Variants in KLF17 observed in about 807,000 individuals in gnomAD.
KLF17 encodes KLF transcription factor 17, also known as Krueppel-like factor 17.
In KLF17, 31 loss-of-function variants were observed where a neutral mutation model predicts 34.2. The ratio of observed to expected loss-of-function variants is 0.91; its 90% CI spans 0.68 to 1.22. The LOEUF (loss-of-function observed/expected upper bound fraction) is 1.22. Ranked by LOEUF, KLF17 falls within the 50% of genes most tolerant of loss-of-function variation. The probability of loss-of-function intolerance (pLI) is 0.00; values close to 1 mark genes in which losing one functional copy is unlikely to be tolerated. For synonymous variants in KLF17, 179 were observed against 186.7 expected, an observed-to-expected ratio of 0.96 and a Z score of 0.34; for missense variants, 478 against 505.2, an observed-to-expected ratio of 0.95 and a Z score of 0.52.
rs112449955 is a variant in KLF17 at position 44,130,138 on chromosome 1, C to T, written c.867C>T (p.Asn289=). ...GGCCTTACTGCTGCAACTACGAGAA[C>T]TGCGGAAAAGCTTATACCAAACGCT... The part of the protein sequence containing the change: ...EARPYCCNYE[N]CGKAYTKRSH... Residue 289 remains asparagine (N), a synonymous_variant, in exon 2 of 4, where the codon AAC becomes AAT. Transcript: ENST00000372299. 24,516 of 1,614,196 alleles carry T rather than the reference C, an allele frequency of 0.015. 236 individuals are homozygous for T. Among genetic ancestry groups the T allele is most frequent in the Non-Finnish European group, 0.016 (18,671 of 1,180,032 alleles).
chr1:44,073,333 A>C, the KLF17 span, among the ~76,000 whole-genome samples: 1 of 151,554 alleles, frequency 6.6e-6, no homozygotes, highest in Non-Finnish European at 1.5e-5. Context: ...CAGCCTCCCA[A>C]GTAGCTGGGA....
chr1:44,109,795 T>C, the KLF17 span, among the ~76,000 whole-genome samples: 1 of 151,968 alleles, frequency 6.6e-6, no homozygotes, highest in African/African-American at 2.4e-5. Flanking sequence ...AGGTAGGGCA[T>C]GGAGAACTAT....
the KLF17 span, among the ~76,000 whole-genome samples, chr1:44,079,915 T>A: frequency 1.3e-5 from 2 of 151,526 alleles, no homozygotes; most frequent in East Asian, 1.9e-4. Flanking sequence ...CCTGCACTAA[T>A]CCCTCCATGT....
chr1:44,055,677 G>A, the KLF17 span, among the ~76,000 whole-genome samples: 1 of 152,170 alleles, frequency 6.6e-6, no homozygotes, highest in African/African-American at 2.4e-5. Context: ...AGAGCTGTTA[G>A]TGTACCCCCA....
At chr1:44,108,660 CT>C in the KLF17 span, among the ~76,000 whole-genome samples, 6,059 of 75,094 alleles carry the variant, frequency 0.081, 119 homozygotes, top group African/African-American at 0.12. Context: ...TTTGTTAGCT[CT>C]TTTTTTTTTT....
In KLF17 at chr1:44,118,833, C is replaced by G; in HGVS notation, c.-75C>G. 1 of 1,158,756 alleles carries G rather than the reference C, an allele frequency of 8.6e-7. No homozygotes were observed. Among genetic ancestry groups the G allele is most frequent in the Non-Finnish European group, 1.2e-6 (1 of 831,504 alleles). 71.8% of individuals were successfully genotyped at this position (1,158,756 alleles called of 1,614,324 possible). On this transcript the variant is annotated 5_prime_UTR_variant, in exon 1 of 4. Transcript: ENST00000372299. ...AGGTGATTGTGGCGTGGCGATGTACCGATACCCGCCTGCGACGCCGTGGTG... is the reference window on the plus strand; with the variant it reads ...AGGTGATTGTGGCGTGGCGATGTACGGATACCCGCCTGCGACGCCGTGGTG...
the KLF17 span, among the ~76,000 whole-genome samples, chr1:44,065,454 G>A: frequency 7.4e-6 from 1 of 134,468 alleles, no homozygotes; most frequent in African/African-American, 2.8e-5. Context: ...CTGTCACCCA[G>A]GCTGAAGTGC....
chr1:44,099,783 C>T, the KLF17 span, among the ~76,000 whole-genome samples: 1 of 149,106 alleles, frequency 6.7e-6, no homozygotes, highest in African/African-American at 2.5e-5. Context: ...CCACTGGACT[C>T]CAGCCTGGGC....
At chr1:44,062,360 T>C in the KLF17 span, among the ~76,000 whole-genome samples, 1 of 152,280 alleles carries the variant, frequency 6.6e-6, no homozygotes, top group South Asian at 2.1e-4. Flanking sequence ...TCTATATCTG[T>C]CTACACAAAC....
the KLF17 span, among the ~76,000 whole-genome samples, chr1:44,094,459 G>A: frequency 1.3e-5 from 2 of 152,082 alleles, no homozygotes; most frequent in Non-Finnish European, 2.9e-5. Flanking sequence ...TTTTCTTTTA[G>A]TGGTTTCATA....
the KLF17 span, among the ~76,000 whole-genome samples, chr1:44,045,472 G>T: frequency 1.3e-5 from 2 of 152,076 alleles, no homozygotes; most frequent in South Asian, 4.2e-4. Context: ...TGGAAATGTT[G>T]GAGTGTTCAA....
At chr1:44,080,797 C>T in the KLF17 span, among the ~76,000 whole-genome samples, 9 of 147,874 alleles carry the variant, frequency 6.1e-5, no homozygotes, top group Non-Finnish European at 1.2e-4. Flanking sequence ...TCACTGCAAC[C>T]TCTGTCTCCT....
the KLF17 span, among the ~76,000 whole-genome samples, chr1:44,064,833 G>A: frequency 2.6e-5 from 4 of 152,094 alleles, no homozygotes; most frequent in Admixed American, 6.5e-5. Flanking sequence ...TGAGTAAAAC[G>A]TTATAATAAT....
At chr1:44,127,752 T>C (rs945009084) in intron 1 of KLF17, among the ~76,000 whole-genome samples, 1 of 147,856 alleles carries the variant, frequency 6.8e-6, no homozygotes, top group African/African-American at 2.6e-5. Flanking sequence ...TTCTTCTCTT[T>C]TCTTTCTTTC....
chr1:44,101,998 G>A, the KLF17 span, among the ~76,000 whole-genome samples: 1 of 152,082 alleles, frequency 6.6e-6, no homozygotes, highest in Non-Finnish European at 1.5e-5. Context: ...GGGCTGCAGT[G>A]AGCAGCCTCT....
the KLF17 span, among the ~76,000 whole-genome samples, chr1:44,099,644 T>A: frequency 1.3e-5 from 2 of 150,734 alleles, no homozygotes; most frequent in Non-Finnish European, 2.9e-5. Context: ...TTAAACCCCA[T>A]CTCTACTAAA....
chr1:44,046,528 TACACACACACTCACAC>T, the KLF17 span, among the ~76,000 whole-genome samples: 2 of 85,052 alleles, frequency 2.4e-5, no homozygotes, highest in East Asian at 4.4e-4. Flanking sequence ...ACCTAAGCAC[TACACACACACTCACAC>T]ACACACACAC....
At chr1:44,121,038 T>C (rs1457758655) in intron 1 of KLF17, among the ~76,000 whole-genome samples, 1 of 152,148 alleles carries the variant, frequency 6.6e-6, no homozygotes, top group Non-Finnish European at 1.5e-5. Context: ...TTCCCAACTC[T>C]TCTAGAGTTT....
chr1:44,086,496 TAAA>T, the KLF17 span, among the ~76,000 whole-genome samples: 2 of 148,396 alleles, frequency 1.3e-5, no homozygotes, highest in Admixed American at 6.7e-5. Flanking sequence ...AATAAATAAA[TAAA>T]TAAATAAAAA....
Sources: allele counts gnomAD v4.1 joint callset (sites outside exome capture counted in the v4.1 genomes callset), GRCh38; gene constraint gnomAD v4.1.1; transcripts MANE v1.5; gene names NCBI Gene and HGNC (gene_info 2026-07-23, HGNC 2026-07-21).